Variants in PHF3 observed in about 807,000 individuals in gnomAD.
The protein encoded by PHF3 is PHD finger protein 3.
A neutral mutation model predicts 178.4 loss-of-function variants in PHF3; 41 were observed. The observed-to-expected ratio is 0.23, with a 90% CI of 0.18 to 0.30. PHF3 has a LOEUF of 0.30. PHF3 is among the 10% of genes least tolerant of loss of function. The pLI is 1.00. For synonymous variants in PHF3, 842 were observed against 800.5 expected, an observed-to-expected ratio of 1.05 and a Z score of -0.88; for missense variants, 2,346 against 2,398.1, an observed-to-expected ratio of 0.98 and a Z score of 0.45.
chr6:63,670,326 T>C (rs1765859527), intron 2 of PHF3, among the ~76,000 whole-genome samples: 2 of 152,192 alleles, frequency 1.3e-5, no homozygotes, highest in Non-Finnish European at 1.5e-5. Flanking sequence ...TGGACTGCAG[T>C]GGCGCTATCT....
intron 2 of PHF3, among the ~76,000 whole-genome samples, chr6:63,656,363 A>T (rs563355825): frequency 6.6e-6 from 1 of 152,066 alleles, no homozygotes; most frequent in African/African-American, 2.4e-5. Flanking sequence ...TTGTTTCTTC[A>T]TCTGTTGCTT....
At position 63,725,165 on chromosome 6, in the gene PHF3, T is replaced by C. The variant is rs991060792; in HGVS notation, c.*11457T>C. On this transcript the variant is annotated 3_prime_UTR_variant, in exon 16 of 16. Transcript: ENST00000262043. ...ATATAAGTGTCAAATGCAGCATCAA[T>C]CGTGTGAAACTAATGAATCTCTGTA... Among the ~76,000 whole-genome samples, 2 of 152,146 alleles carry C rather than the reference T, an allele frequency of 1.3e-5. No individual in the cohort carries two copies. The highest frequency in any genetic ancestry group is 2.4e-5 in the African/African-American group (1 of 41,454).
intron 1 of PHF3, among the ~76,000 whole-genome samples, chr6:63,641,047 G>A (rs577464323): frequency 5.6e-4 from 85 of 152,336 alleles, no homozygotes; most frequent in African/African-American, 2.0e-3. Context: ...TTGAGCACAA[G>A]AAGTTTTGTT....
intron 11 of PHF3, among the ~76,000 whole-genome samples, chr6:63,705,477 T>C (rs1404718268): frequency 6.6e-6 from 1 of 152,208 alleles, no homozygotes; most frequent in Non-Finnish European, 1.5e-5. Flanking sequence ...GTGCAAACCC[T>C]ATTGTGAACT....
chr6:63,665,126 G>A (rs900150901), intron 2 of PHF3, among the ~76,000 whole-genome samples: 5 of 151,966 alleles, frequency 3.3e-5, no homozygotes, highest in African/African-American at 9.7e-5. Context: ...CAGATAATAC[G>A]TAACAATGAA....
intron 2 of PHF3, among the ~76,000 whole-genome samples, chr6:63,655,743 C>G (rs1331218011): frequency 6.6e-6 from 1 of 152,056 alleles, no homozygotes; most frequent in Non-Finnish European, 1.5e-5. Flanking sequence ...CGGTTTGTTT[C>G]TTGTTGTTTT....
intron 14 of PHF3, 47 bp from the exon 15 acceptor site, chr6:63,711,120 T>C: frequency 7.4e-7 from 1 of 1,353,790 alleles, no homozygotes. Flanking sequence ...ACCAAGCTAC[T>C]CTTTAGCTTA....
intron 4 of PHF3, among the ~76,000 whole-genome samples, chr6:63,686,538 A>G (rs563647865): frequency 2.0e-5 from 3 of 152,212 alleles, no homozygotes; most frequent in Middle Eastern, 3.4e-3. Context: ...AAAATTTGAG[A>G]TGATTTTAGC....
At chr6:63,647,196 G>T (rs144980785) in intron 2 of PHF3, among the ~76,000 whole-genome samples, 2 of 151,938 alleles carry the variant, frequency 1.3e-5, no homozygotes, top group African/African-American at 4.8e-5. Flanking sequence ...TGCTGGAGTC[G>T]GGGGATGGCT....
At chr6:63,704,538 A>G (rs1767611454) in intron 11 of PHF3, among the ~76,000 whole-genome samples, 1 of 151,144 alleles carries the variant, frequency 6.6e-6, no homozygotes, top group Non-Finnish European at 1.5e-5. Flanking sequence ...TCACTTAGTA[A>G]TATGCATTTA....
chr6:63,662,401 A>G (rs888664132), intron 2 of PHF3, among the ~76,000 whole-genome samples: 3 of 152,152 alleles, frequency 2.0e-5, no homozygotes, highest in Non-Finnish European at 4.4e-5. Flanking sequence ...AAAATTCATC[A>G]ATTTTATTTT....
chr6:63,661,566 C>T (rs1765465899), intron 2 of PHF3, among the ~76,000 whole-genome samples: 1 of 152,074 alleles, frequency 6.6e-6, no homozygotes, highest in South Asian at 2.1e-4. Flanking sequence ...AGGGCTTTTT[C>T]TTATATCCCT....
intron 11 of PHF3, among the ~76,000 whole-genome samples, chr6:63,705,624 G>T (rs1451585002): frequency 6.6e-6 from 1 of 152,202 alleles, no homozygotes; most frequent in Non-Finnish European, 1.5e-5. Flanking sequence ...TGTCTTCCAT[G>T]AAATTGGTTG....
In PHF3 at chr6:63,646,596, C is replaced by T; in HGVS notation, c.45C>T (p.His15=). 1 of 1,612,686 alleles carries T rather than the reference C, an allele frequency of 6.2e-7. No homozygotes were observed. The highest frequency in any genetic ancestry group is 8.5e-7 in the Non-Finnish European group (1 of 1,178,902). The change falls in exon 2 of 16, where the codon CAC becomes CAT. Residue 15 remains histidine, a synonymous_variant. Coordinates refer to ENST00000262043, the MANE Select transcript of PHF3 (RefSeq NM_001370348.2). ...DTFNHLIPTE[H]LDDALFLGSN... is the part of the protein sequence containing the mutation. Reference sequence around the variant, plus strand: ...TTAATCATTTAATTCCTACTGAACACTTAGATGATGCCCTATTTCTAGGAT... The same window carrying T: ...TTAATCATTTAATTCCTACTGAACATTTAGATGATGCCCTATTTCTAGGAT...
intron 2 of PHF3, among the ~76,000 whole-genome samples, chr6:63,650,888 G>C (rs1299466715): frequency 6.6e-6 from 1 of 151,664 alleles, no homozygotes; most frequent in Admixed American, 6.6e-5. Context: ...TCAGTTTTCA[G>C]ATATTTATTA....
In PHF3 at chr6:63,685,680, A is replaced by G. The variant is rs759910075; in HGVS notation, c.1958A>G (p.Glu653Gly). The change falls in exon 4 of 16, where the codon GAG becomes GGG. Residue 653 changes from glutamate to glycine, a missense_variant. Physicochemically the swap from Glu to Gly is moderately conservative, Grantham distance 98. This residue lies in a region of PHF3 where 843 missense variants were observed against 795.2 expected (regional missense o/e 1.06). Transcript: ENST00000262043. ...GAAGAGCTTGAACACCCAGGCGTTG[A>G]GCATTTTAAGGAAGAGGATAAACTG... ...VKEELEHPGV[E>G]HFKEEDKLKL... 24 of 1,614,020 alleles carry G rather than the reference A, an allele frequency of 1.5e-5. No individual in the cohort carries two copies. Among genetic ancestry groups the G allele is most frequent in the Non-Finnish European group, 1.9e-5 (23 of 1,180,030 alleles).
At position 63,709,140 on chromosome 6, in the gene PHF3, TTTA is replaced by T; in HGVS notation, c.3712-10_3712-8del. ...TATATATTGATCTCTTTTTTTTTTT[TTTA>T]ACCATAGGACCTACCAGATAGTATT... is the stretch of plus-strand genomic sequence containing the variant. On this transcript the variant is annotated splice_region_variant and splice_polypyrimidine_tract_variant and intron_variant, in intron 13 of 15. Coordinates refer to ENST00000262043, the MANE Select transcript of PHF3 (RefSeq NM_001370348.2). 3.4e-6 allele frequency: 5 copies of T among 1,463,896 alleles called. No homozygotes were observed. In the African/African-American group the frequency reaches 4.3e-5, roughly 13 times the overall value. The allele number at this position is 1,463,896 out of a possible 1,614,324, so 90.7% of individuals were successfully genotyped here.
At chr6:63,677,771 C>G (rs943830332) in intron 2 of PHF3, among the ~76,000 whole-genome samples, 2 of 152,126 alleles carry the variant, frequency 1.3e-5, no homozygotes, top group Non-Finnish European at 2.9e-5. Context: ...ACAACTAAAT[C>G]ACTGATTGAA....
rs780327092 is a variant in PHF3, at chr6:63,713,483, G to T, written c.5895G>T (p.Gly1965=). ...GAGACAGAAAAAGCAGGGAGGAAGG[G>T]CACAAAGATAAAGAGAGGGCACGGT... ...KDRDRKSREE[G]HKDKERARLS... Residue 1965 remains glycine (G), a synonymous_variant, in exon 16 of 16, where the codon GGG becomes GGT. Coordinates refer to ENST00000262043, the MANE Select transcript of PHF3 (RefSeq NM_001370348.2). 85 of 1,613,642 alleles carry T rather than the reference G, an allele frequency of 5.3e-5. No individual in the cohort carries two copies. Among genetic ancestry groups the T allele is most frequent in the Non-Finnish European group, 6.8e-5 (80 of 1,179,934 alleles).
Sources: allele counts gnomAD v4.1 joint callset (sites outside exome capture counted in the v4.1 genomes callset), GRCh38; gene constraint gnomAD v4.1.1; regional missense constraint gnomAD v4.1.1; transcripts MANE v1.5; gene names NCBI Gene and HGNC (gene_info 2026-07-23, HGNC 2026-07-21).